The following CEMIP2 variants were observed in gnomAD, a reference collection of about 807,000 sequenced individuals.
CEMIP2 encodes cell migration inducing hyaluronidase 2.
CEMIP2 carries 79 observed loss-of-function variants against 146.9 expected under a neutral mutation model. The ratio of observed to expected loss-of-function variants is 0.54; its 90% CI spans 0.45 to 0.65. The LOEUF is 0.65. Among genes scored for constraint, CEMIP2 ranks in the 30% least tolerant of loss-of-function variants. The pLI is 0.00. For missense variants in CEMIP2, 1,596 were observed against 1,696.2 expected (o/e 0.94, Z 1.04); for synonymous variants, 601 against 606.3 (o/e 0.99, Z 0.13).
intron 12 of CEMIP2, among the ~76,000 whole-genome samples, chr9:71,718,705 T>C (rs778890542): frequency 6.6e-6 from 1 of 152,024 alleles, no homozygotes; most frequent in Admixed American, 6.6e-5. Flanking sequence ...GCCTTCTGAG[T>C]AGCTGGGATT....
intron 21 of CEMIP2, among the ~76,000 whole-genome samples, chr9:71,693,144 G>A (rs546299891): frequency 2.8e-4 from 43 of 152,276 alleles, no homozygotes; most frequent in African/African-American, 1.0e-3. Flanking sequence ...AAGAAAAAAA[G>A]TAAAATTTAA....
intron 1 of CEMIP2, among the ~76,000 whole-genome samples, chr9:71,764,749 A>C (rs1824737144): frequency 6.6e-6 from 1 of 152,220 alleles, no homozygotes; most frequent in Non-Finnish European, 1.5e-5. Flanking sequence ...GTCCATTTCA[A>C]GTGGAGAACT....
chr9:71,715,445 A>G (rs1468419250), intron 14 of CEMIP2, among the ~76,000 whole-genome samples: 1 of 150,958 alleles, frequency 6.6e-6, no homozygotes, highest in Non-Finnish European at 1.5e-5. Context: ...GGGTCTTGCT[A>G]TGTGGCCCAT....
chr9:71,731,883 T>C (rs1354003312), intron 7 of CEMIP2, among the ~76,000 whole-genome samples: 3 of 152,302 alleles, frequency 2.0e-5, no homozygotes, highest in South Asian at 2.1e-4. Context: ...GCCTAGCATA[T>C]AGTAAGTGCT....
At chr9:71,730,642 A>G (rs1240617500) in intron 8 of CEMIP2, 63 bp downstream of exon 8, 1 of 1,519,896 alleles carries the variant, frequency 6.6e-7, no homozygotes, top group East Asian at 2.3e-5. Flanking sequence ...TTGAGAAGAC[A>G]TGAGAATTAA....
In CEMIP2 at chr9:71,704,593, A is replaced by T. The variant is rs1041882969; in HGVS notation, c.3194+2T>A. 1.2e-6 allele frequency: 2 copies of T among 1,613,964 alleles called. No homozygotes were observed. Among genetic ancestry groups the T allele is most frequent in the Non-Finnish European group, 1.7e-6 (2 of 1,179,830 alleles). On this transcript the variant is annotated splice_donor_variant, in intron 18 of 23. Coordinates refer to ENST00000377044, the MANE Select transcript of CEMIP2 (RefSeq NM_013390.3). LOFTEE classifies it high-confidence loss of function. ...TTTGAAATAACAGTAACAGAAACAT[A>T]CTTGTTGAAGTTGACGAGGTATAGA... is the stretch of plus-strand genomic sequence containing the variant.
At chr9:71,708,908 T>C (rs1390897357) in intron 17 of CEMIP2, among the ~76,000 whole-genome samples, 3 of 152,182 alleles carry the variant, frequency 2.0e-5, no homozygotes, top group Non-Finnish European at 4.4e-5. Context: ...AAAATCCCTC[T>C]TAGAGGGCAT....
At chr9:71,739,851 G>C (rs1228433875) in intron 5 of CEMIP2, among the ~76,000 whole-genome samples, 1 of 152,022 alleles carries the variant, frequency 6.6e-6, no homozygotes, top group Non-Finnish European at 1.5e-5. Context: ...TGTGGTCTAG[G>C]GAAGCCAAAA....
chr9:71,733,971 G>A (rs1431953141), intron 6 of CEMIP2, among the ~76,000 whole-genome samples: 1 of 151,928 alleles, frequency 6.6e-6, no homozygotes, highest in Non-Finnish European at 1.5e-5. Flanking sequence ...AGCCTCCCTA[G>A]CAGCTGGGAT....
intron 10 of CEMIP2, among the ~76,000 whole-genome samples, chr9:71,726,818 T>G (rs993667487): frequency 1.3e-5 from 2 of 152,138 alleles, no homozygotes; most frequent in African/African-American, 4.8e-5. Context: ...ACAGACAAGT[T>G]GACGGGATAA....
chr9:71,745,695 G>A (rs1824068507), intron 3 of CEMIP2, 116 bp from the exon 4 acceptor site: 4 of 1,032,756 alleles, frequency 3.9e-6, no homozygotes, highest in East Asian at 2.5e-5. Context: ...AAAAGAATTC[G>A]CTAAGAATCT....
chr9:71,712,115 T>C lies in CEMIP2; in HGVS notation c.2737A>G (p.Asn913Asp). The part of the protein sequence containing the change: ...MKNSWQITPR[N>D]NISLVKFGPH... ...CCAAACTTCACGAGGGAGATATTAT[T>C]CCTGGGGGTTATCTGCCAGGAATTC... Residue 913 changes from asparagine (N) to aspartate (D), a missense_variant, in exon 16 of 24, where the codon AAT (asparagine) becomes GAT (aspartate). Coordinates refer to ENST00000377044, the MANE Select transcript of CEMIP2 (RefSeq NM_013390.3). 1.2e-6 allele frequency: 2 copies of C among 1,614,178 alleles called. No individual in the cohort carries two copies. The highest frequency in any genetic ancestry group is 1.3e-5 in the African/African-American group (1 of 75,052).
intron 5 of CEMIP2, among the ~76,000 whole-genome samples, chr9:71,738,608 G>A (rs9969736): frequency 0.03 from 4,606 of 152,188 alleles, 201 homozygotes; most frequent in African/African-American, 0.1. Context: ...GGGAGGCTGA[G>A]GCGGGTGGAT....
rs777855404 is a variant in CEMIP2, at chr9:71,745,232, G to C, written c.820C>G (p.Gln274Glu). Residue 274 changes from glutamine (Q) to glutamate (E), a missense_variant, in exon 4 of 24, where the codon CAA (glutamine) becomes GAA (glutamate). Physicochemically the swap from Gln to Glu is conservative, Grantham distance 29 (BLOSUM62 2). Transcript: ENST00000377044. ...SRGLNVRVIDQDTAKILESER... is the reference protein window; with the variant it reads ...SRGLNVRVIDEDTAKILESER... ...CTTTCCAAAATTTTGGCCGTGTCTT[G>C]GTCAATGACCCTCACATTGAGGCCC... The C allele has an allele frequency of 8.1e-6, 13 of 1,613,890 alleles. No homozygotes were observed. In the Admixed American group the frequency reaches 2.2e-4, roughly 27 times the overall value.
chr9:71,706,100 G>A (rs1407707906), intron 17 of CEMIP2, among the ~76,000 whole-genome samples: 2 of 151,690 alleles, frequency 1.3e-5, no homozygotes, highest in Non-Finnish European at 2.9e-5. Context: ...GTGGTGGCGG[G>A]TGCCTGTAAT....
At chr9:71,685,956 C>G (rs749607562) in intron 22 of CEMIP2, 110 bp from the exon 23 acceptor site, 125 of 760,902 alleles carry the variant, frequency 1.6e-4, no homozygotes, top group Non-Finnish European at 2.2e-4. Context: ...TAGATAAAAG[C>G]AGAACTCCAA....
chr9:71,726,128 T>C lies in CEMIP2; in HGVS notation c.2050-419A>G, dbSNP rs181802271. ...ATGAGTCATGCCTATTAAACAACTG[T>C]CCACCAGCACGCAGAGATCACTGAC... is the stretch of plus-strand genomic sequence containing the variant. On this transcript the variant is annotated intron_variant, in intron 10 of 23. Coordinates refer to ENST00000377044, the MANE Select transcript of CEMIP2 (RefSeq NM_013390.3). Among the ~76,000 whole-genome samples the C allele has an allele frequency of 9.2e-5, 14 of 152,256 alleles. No individual in the cohort carries two copies. In the East Asian group the frequency reaches 2.5e-3, roughly 27 times the overall value.
chr9:71,704,626 T>C lies in CEMIP2; in HGVS notation c.3163A>G (p.Thr1055Ala). ...AAGTTGACGAGGTATAGAAATGTAG[T>C]CCGTGGTGCCGGCCCATTCCAGTGG... ...TIHWNGPAPRTTFLYLVNFNK... is the reference protein window; with the variant it reads ...TIHWNGPAPRATFLYLVNFNK... Residue 1055 changes from threonine (T) to alanine (A), a missense_variant, in exon 18 of 24, where the codon ACT (threonine) becomes GCT (alanine). Physicochemically the swap from Thr to Ala is moderately conservative, Grantham distance 58 (BLOSUM62 0). Coordinates refer to ENST00000377044, the MANE Select transcript of CEMIP2 (RefSeq NM_013390.3). 6.2e-7 allele frequency: 1 copy of C among 1,614,174 alleles called. No homozygotes were observed. Among genetic ancestry groups the C allele is most frequent in the East Asian group, 2.2e-5 (1 of 44,888 alleles).
rs1178577585 is a variant in CEMIP2 at position 71,740,078 on chromosome 9, T to G, written c.1189A>C (p.Ser397Arg). ...DGQKFSVTAYSEWIEGVSLSG... is the reference protein window; with the variant it reads ...DGQKFSVTAYREWIEGVSLSG... ...ACTTGCCTACCTTCAATCCATTCAC[T>G]ATAAGCTGTCACAGAGAACTTCTGG... is the stretch of plus-strand genomic sequence containing the variant. The change falls in exon 5 of 24, where the codon AGT (serine) becomes CGT (arginine). Residue 397 changes from serine to arginine, a missense_variant. Ser to Arg is a moderately radical substitution (Grantham distance 110, BLOSUM62 -1). Transcript: ENST00000377044. 2.5e-6 allele frequency: 4 copies of G among 1,613,930 alleles called. No homozygotes were observed. In the African/African-American group the frequency reaches 5.3e-5, roughly 22 times the overall value.
Sources: allele counts gnomAD v4.1 joint callset (sites outside exome capture counted in the v4.1 genomes callset), GRCh38; gene constraint gnomAD v4.1.1; transcripts MANE v1.5; gene names NCBI Gene and HGNC (gene_info 2026-07-23, HGNC 2026-07-21).